Variants in RNF13 observed in about 807,000 individuals in gnomAD.
RNF13 encodes the protein E3 ubiquitin-protein ligase RNF13.
A neutral mutation model predicts 37.7 loss-of-function variants in RNF13; 19 were observed. The ratio of observed to expected loss-of-function variants is 0.50; its 90% CI spans 0.35 to 0.74. The LOEUF (loss-of-function observed/expected upper bound fraction) is 0.74, where lower values mean the gene tolerates loss of function less well. Ranked by LOEUF, RNF13 falls within the 30% of genes least tolerant of loss-of-function variation. RNF13 has a pLI of 0.01. For missense variants in RNF13, 375 were observed against 453.0 expected, an observed-to-expected ratio of 0.83 and a Z score of 1.56; for synonymous variants, 144 against 157.8, an observed-to-expected ratio of 0.91 and a Z score of 0.65.
At chr3:149,829,384 G>A (rs777182817) in intron 1 of RNF13, among the ~76,000 whole-genome samples, 13 of 152,172 alleles carry the variant, frequency 8.5e-5, no homozygotes, top group Admixed American at 2.6e-4. Context: ...ACAGGTGTGA[G>A]CCACTGCGCC....
intron 5 of RNF13, among the ~76,000 whole-genome samples, chr3:149,896,677 C>G (rs1715308368): frequency 6.6e-6 from 1 of 151,960 alleles, no homozygotes; most frequent in African/African-American, 2.4e-5. Context: ...TGGAGTTTCT[C>G]CATGTTGGTC....
At chr3:149,845,428 A>G (rs1401352487) in intron 1 of RNF13, among the ~76,000 whole-genome samples, 1 of 152,200 alleles carries the variant, frequency 6.6e-6, no homozygotes, top group Non-Finnish European at 1.5e-5. Context: ...TGGGAGAGGT[A>G]GTTATGCTGT....
intron 3 of RNF13, among the ~76,000 whole-genome samples, chr3:149,870,428 C>T (rs953333690): frequency 6.6e-6 from 1 of 151,696 alleles, no homozygotes; most frequent in Non-Finnish European, 1.5e-5. Context: ...GCCGTAATCT[C>T]ATTGCTGTAC....
At chr3:149,907,427 A>C (rs1716537548) in intron 6 of RNF13, among the ~76,000 whole-genome samples, 2 of 152,174 alleles carry the variant, frequency 1.3e-5, no homozygotes, top group Non-Finnish European at 2.9e-5. Flanking sequence ...TATTCTTTTT[A>C]GCTACTGTTC....
At chr3:149,915,678 G>C (rs1410259154) in intron 7 of RNF13, among the ~76,000 whole-genome samples, 2 of 152,178 alleles carry the variant, frequency 1.3e-5, no homozygotes, top group Non-Finnish European at 2.9e-5. Flanking sequence ...ATTAAGGAAG[G>C]AAATTCTGAC....
chr3:149,944,098 G>C (rs1720541580), intron 8 of RNF13, among the ~76,000 whole-genome samples: 1 of 152,100 alleles, frequency 6.6e-6, no homozygotes, highest in African/African-American at 2.4e-5. Flanking sequence ...TGCTGAGAAT[G>C]ATGGTTTCCA....
chr3:149,857,049 A>G (rs1014201919), intron 3 of RNF13, among the ~76,000 whole-genome samples: 1 of 152,104 alleles, frequency 6.6e-6, no homozygotes, highest in Non-Finnish European at 1.5e-5. Flanking sequence ...GCCCGGCCCA[A>G]AATATCTTAC....
intron 1 of RNF13, among the ~76,000 whole-genome samples, chr3:149,836,772 G>A (rs1366170147): frequency 6.6e-6 from 1 of 152,066 alleles, no homozygotes; most frequent in African/African-American, 2.4e-5. Flanking sequence ...GAGATGAATG[G>A]ATCAGTAACA....
At chr3:149,834,195 C>A (rs557144587) in intron 1 of RNF13, among the ~76,000 whole-genome samples, 1 of 152,282 alleles carries the variant, frequency 6.6e-6, no homozygotes, top group South Asian at 2.1e-4. Context: ...CCAAAGAAAT[C>A]TATGGATTCA....
At chr3:149,855,857 G>A (rs989023963) in intron 3 of RNF13, among the ~76,000 whole-genome samples, 12 of 152,086 alleles carry the variant, frequency 7.9e-5, no homozygotes, top group African/African-American at 2.7e-4. Context: ...TTGCCAATCT[G>A]ATGGGCAAAA....
intron 8 of RNF13, among the ~76,000 whole-genome samples, chr3:149,945,418 G>C: frequency 6.6e-6 from 1 of 152,234 alleles, no homozygotes; most frequent in Non-Finnish European, 1.5e-5. Context: ...AAAGTGGTTA[G>C]GAAGCTCGAA....
chr3:149,933,825 C>G (rs1719418663), intron 8 of RNF13, among the ~76,000 whole-genome samples: 1 of 152,064 alleles, frequency 6.6e-6, no homozygotes, highest in Non-Finnish European at 1.5e-5. Flanking sequence ...CTCAAGTGAT[C>G]CACCCGCCTC....
At chr3:149,904,389 T>C (rs1716178363) in intron 6 of RNF13, among the ~76,000 whole-genome samples, 1 of 152,014 alleles carries the variant, frequency 6.6e-6, no homozygotes, top group African/African-American at 2.4e-5. Context: ...TCATTATTAT[T>C]ATTATTTTTG....
intron 8 of RNF13, among the ~76,000 whole-genome samples, chr3:149,926,837 T>G (rs936897453): frequency 6.6e-6 from 1 of 152,156 alleles, no homozygotes; most frequent in Non-Finnish European, 1.5e-5. Context: ...TCAATTACAG[T>G]AGGTTCATGG....
chr3:149,899,425 G>A (rs1715593430), intron 5 of RNF13, among the ~76,000 whole-genome samples: 2 of 152,108 alleles, frequency 1.3e-5, no homozygotes, highest in Non-Finnish European at 2.9e-5. Flanking sequence ...CTCCAGCCTG[G>A]GCAACAGAGC....
chr3:149,831,889 A>G (rs1220669369), intron 1 of RNF13, among the ~76,000 whole-genome samples: 2 of 152,168 alleles, frequency 1.3e-5, no homozygotes. Flanking sequence ...GTGTGAGCTG[A>G]GAACACTATT....
At chr3:149,831,873 G>T (rs1721089603) in intron 1 of RNF13, among the ~76,000 whole-genome samples, 1 of 152,096 alleles carries the variant, frequency 6.6e-6, no homozygotes, top group Admixed American at 6.6e-5. Flanking sequence ...GATATATTTA[G>T]GTGGTGTGTG....
At chr3:149,838,681 T>C (rs928849250) in intron 1 of RNF13, among the ~76,000 whole-genome samples, 1 of 152,222 alleles carries the variant, frequency 6.6e-6, no homozygotes, top group African/African-American at 2.4e-5. Flanking sequence ...AGCCATTTTT[T>C]CCTCCTAGGC....
At chr3:149,828,843 AATT>A (rs1356421501) in intron 1 of RNF13, among the ~76,000 whole-genome samples, 1 of 152,172 alleles carries the variant, frequency 6.6e-6, no homozygotes, top group Non-Finnish European at 1.5e-5. Flanking sequence ...TTAAAAGTCA[AATT>A]ATAGGTTTTC....
Sources: allele counts gnomAD v4.1 joint callset (sites outside exome capture counted in the v4.1 genomes callset), GRCh38; gene constraint gnomAD v4.1.1; transcripts MANE v1.5; gene names NCBI Gene and HGNC (gene_info 2026-07-23, HGNC 2026-07-21).